TSKS: variants seen among roughly 807,000 people sequenced by gnomAD.
TSKS encodes testis-specific serine kinase substrate.
In TSKS, 27 loss-of-function variants were observed where a neutral mutation model predicts 68.0. The ratio of observed to expected loss-of-function variants is 0.40; its 90% CI spans 0.29 to 0.55. The LOEUF is 0.55. Ranked by LOEUF, TSKS falls within the 20% of genes least tolerant of loss-of-function variation. TSKS has a pLI of 0.53. For missense variants in TSKS, 806 were observed against 776.0 expected (o/e 1.04, Z -0.46); for synonymous variants, 331 against 340.4 (o/e 0.97, Z 0.30).
At chr19:49,750,587 G>A (rs1251040350) in intron 2 of TSKS, among the ~76,000 whole-genome samples, 2 of 152,032 alleles carry the variant, frequency 1.3e-5, no homozygotes, top group Admixed American at 1.3e-4. Context: ...CACACCTGAA[G>A]GAAAAGAGAC....
chr19:49,751,165 G>A (rs1040171827), intron 2 of TSKS, among the ~76,000 whole-genome samples: 3 of 151,620 alleles, frequency 2.0e-5, no homozygotes, highest in Admixed American at 6.6e-5. Context: ...TTAGCCAGGC[G>A]TGGTGGCAGG....
At chr19:49,760,083 G>A (rs1027274293) in intron 2 of TSKS, among the ~76,000 whole-genome samples, 2 of 151,828 alleles carry the variant, frequency 1.3e-5, no homozygotes, top group Non-Finnish European at 2.9e-5. Context: ...CCCAAGAGGT[G>A]GAGTTTGCAG....
chr19:49,748,803 A>C (rs2084324557), intron 2 of TSKS, among the ~76,000 whole-genome samples: 1 of 151,926 alleles, frequency 6.6e-6, no homozygotes, highest in Non-Finnish European at 1.5e-5. Flanking sequence ...GCCGTGGCTC[A>C]CTCTGGTAAT....
At position 49,746,520 on chromosome 19, in the gene TSKS, G is replaced by A. The variant is rs1301045390; in HGVS notation, c.942C>T (p.Tyr314=). Residue 314 remains tyrosine, a synonymous_variant, in exon 6 of 11, where the codon TAC becomes TAT. Transcript: ENST00000246801. ...GMGPRAGEGP[Y]VSEQELQKLF... ...GCTTCTGCAATTCCTGCTCGCTCAC[G>A]TAGGGGCCCTCGCCAGCCCGAGGCC... 6.2e-7 allele frequency: 1 copy of A among 1,613,826 alleles called. No homozygotes were observed. The highest frequency in any genetic ancestry group is 8.5e-7 in the Non-Finnish European group (1 of 1,179,946).
chr19:49,743,489 ATTTCT>A (rs1568560436), intron 8 of TSKS, among the ~76,000 whole-genome samples: 2 of 136,768 alleles, frequency 1.5e-5, no homozygotes, highest in African/African-American at 5.5e-5. Flanking sequence ...GTCCAAGTGA[ATTTCT>A]TTTTTTTTTT....
Position 49,754,830 on chromosome 19 carries a change from T to C in TSKS, c.400-6361A>G, listed in dbSNP as rs529850330. On this transcript the variant is annotated intron_variant, in intron 2 of 10. Transcript: ENST00000246801. ...TATAGGGTTGAAGGGCCAGGCGCAA[T>C]GGCTCACACCTGTAATCCCAGCACT... Among the ~76,000 whole-genome samples, 43 of 152,272 alleles carry C rather than the reference T, an allele frequency of 2.8e-4. 2 individuals carry two copies. In the South Asian group the frequency reaches 8.3e-3, roughly 29 times the overall value.
intron 2 of TSKS, among the ~76,000 whole-genome samples, chr19:49,758,479 G>A (rs895455657): frequency 1.3e-5 from 2 of 152,192 alleles, no homozygotes; most frequent in African/African-American, 4.8e-5. Context: ...GATCCAGTGG[G>A]GGATGTGACT....
Position 49,744,335 on chromosome 19 carries a change from G to A in TSKS, c.1257C>T (p.Pro419=), listed in dbSNP as rs1600188125. The change falls in exon 8 of 11, where the codon CCC becomes CCT. Residue 419 remains proline, a synonymous_variant. Transcript: ENST00000246801. ...ATTGCCGCCCGAACTCCTCCAGAATGGGTTTCAGTGGGCCCAGCCCCTCCA... is the reference window on the plus strand; with the variant it reads ...ATTGCCGCCCGAACTCCTCCAGAATAGGTTTCAGTGGGCCCAGCCCCTCCA... The part of the protein sequence containing the change: ...SELEGLGPLK[P]ILEEFGRQFQ... The A allele has an allele frequency of 6.2e-7, 1 of 1,614,058 alleles. No individual in the cohort carries two copies. The highest frequency in any genetic ancestry group is 2.2e-5 in the East Asian group (1 of 44,868).
intron 2 of TSKS, among the ~76,000 whole-genome samples, chr19:49,755,861 C>T (rs117749397): frequency 0.024 from 3,576 of 151,826 alleles, 60 homozygotes; most frequent in Non-Finnish European, 0.035. Context: ...ATTAGCCTGG[C>T]GCGGTGGTAG....
chr19:49,739,949 G>A lies in TSKS; in HGVS notation c.1623-17C>T. The A allele has an allele frequency of 1.2e-6, 2 of 1,608,742 alleles. No homozygotes were observed. The highest frequency in any genetic ancestry group is 1.7e-6 in the Non-Finnish European group (2 of 1,175,758). On this transcript the variant is annotated splice_polypyrimidine_tract_variant and intron_variant, in intron 10 of 10. Transcript: ENST00000246801. ...ATCTTCTCCCTGTCATGAGGCAGCG[G>A]GGAGTTGATGGCGGCATGGCTAGGT...
chr19:49,739,985 T>C, intron 10 of TSKS, 53 bp from the exon 11 acceptor site: 2 of 1,609,800 alleles, frequency 1.2e-6, no homozygotes, highest in Admixed American at 3.3e-5. Flanking sequence ...GCTGGGGTGT[T>C]GGAGTGGAAG....
At chr19:49,740,374 G>A in intron 9 of TSKS, 191 bp from the exon 10 acceptor site, 1 of 651,422 alleles carries the variant, frequency 1.5e-6, no homozygotes, top group East Asian at 2.8e-5. Context: ...TTCCGCTGTG[G>A]ACTAAATCTG....
Position 49,763,204 on chromosome 19 carries a change from A to G in TSKS, c.44T>C (p.Ile15Thr), listed in dbSNP as rs770738474. The part of the protein sequence containing the change: ...VVKTIWQSKE[I>T]HEAGDTPTGV... The stretch of plus-strand genomic sequence containing the variant: ...CGTGGGGGTGTCCCCGGCCTCATGG[A>G]TCTCTTTGGACTGCCAGATCGTCTT... Residue 15 changes from isoleucine (I) to threonine (T), a missense_variant, in exon 1 of 11, where the codon ATC becomes ACC. Ile to Thr is a moderately conservative substitution (Grantham distance 89). Transcript: ENST00000246801. The surrounding 1 kb of genome is among the most constrained non-coding windows in gnomAD (Gnocchi z 4.5). The G allele has an allele frequency of 3.8e-6, 6 of 1,565,640 alleles. No individual in the cohort carries two copies. The highest frequency in any genetic ancestry group is 4.3e-6 in the Non-Finnish European group (5 of 1,157,228).
intron 7 of TSKS, 53 bp from the exon 8 acceptor site, chr19:49,744,457 T>C: frequency 6.4e-7 from 1 of 1,565,494 alleles, no homozygotes; most frequent in Non-Finnish European, 8.7e-7. Flanking sequence ...GGTATAACCC[T>C]GGCAAGACTC....
At chr19:49,762,510 G>A (rs887543799) in intron 1 of TSKS, among the ~76,000 whole-genome samples, 5 of 148,306 alleles carry the variant, frequency 3.4e-5, no homozygotes, top group African/African-American at 1.0e-4. Context: ...TGCAACCTCC[G>A]ACTGCGGGTC....
Position 49,763,062 on chromosome 19 carries a change from T to C in TSKS, c.170+16A>G, listed in dbSNP as rs1303461581. On this transcript the variant is annotated intron_variant, in intron 1 of 10. Coordinates refer to ENST00000246801, the MANE Select transcript of TSKS (RefSeq NM_021733.2). The surrounding 1 kb of genome is among the most constrained non-coding windows in gnomAD (Gnocchi z 4.5). ...TGGGCATTAGAACCATCCCTGACAGTGTGCAACAAACCCACCCGTGGAACG... is the reference window on the plus strand; with the variant it reads ...TGGGCATTAGAACCATCCCTGACAGCGTGCAACAAACCCACCCGTGGAACG... 2.5e-6 allele frequency: 4 copies of C among 1,608,262 alleles called. No individual in the cohort carries two copies. Among genetic ancestry groups the C allele is most frequent in the Non-Finnish European group, 2.5e-6 (3 of 1,177,122 alleles).
At chr19:49,757,274 A>G (rs1463226697) in intron 2 of TSKS, among the ~76,000 whole-genome samples, 1 of 152,178 alleles carries the variant, frequency 6.6e-6, no homozygotes, top group Non-Finnish European at 1.5e-5. Context: ...CTCTGGCCCC[A>G]GTCCAACCTT....
intron 2 of TSKS, among the ~76,000 whole-genome samples, chr19:49,753,584 A>ATAATAATAATAAT (rs1051186949): frequency 6.8e-6 from 1 of 146,970 alleles, no homozygotes; most frequent in African/African-American, 2.5e-5. Flanking sequence ...AATAATAATA[A>ATAATAATAATAAT]TAATAATAAT....
intron 2 of TSKS, 42 bp from the exon 3 acceptor site, chr19:49,748,511 G>C (rs1234940043): frequency 5.7e-6 from 9 of 1,580,572 alleles, no homozygotes; most frequent in Non-Finnish European, 7.8e-6. Context: ...GGGTATGTGG[G>C]GGCAAGCCCC....
Sources: allele counts gnomAD v4.1 joint callset (sites outside exome capture counted in the v4.1 genomes callset), GRCh38; gene constraint gnomAD v4.1.1; non-coding constraint Gnocchi (gnomAD v3.1); transcripts MANE v1.5; gene names NCBI Gene and HGNC (gene_info 2026-07-23, HGNC 2026-07-21).